Variants in ACYP2 observed in about 807,000 individuals in gnomAD.
ACYP2 encodes the protein acylphosphatase 2, also known as acylphosphatase-2.
Under a neutral mutation model 11.2 loss-of-function variants are expected in ACYP2, and 12 were observed. The observed-to-expected ratio is 1.08, with a 90% CI of 0.69 to 1.74. The LOEUF is 1.74. Among genes scored for constraint, ACYP2 ranks in the 40% most tolerant of loss-of-function variants. The pLI, the probability that ACYP2 is intolerant of heterozygous loss-of-function variation, is 0.00. For synonymous variants in ACYP2, 43 were observed against 32.2 expected, an observed-to-expected ratio of 1.33 and a Z score of -1.13; for missense variants, 134 against 101.9, an observed-to-expected ratio of 1.31 and a Z score of -1.35.
chr2:54,042,660 A>T (rs1342429352), intron 2 of ACYP2, among the ~76,000 whole-genome samples: 5 of 152,118 alleles, frequency 3.3e-5, no homozygotes, highest in Admixed American at 1.3e-4. Context: ...GTAGATCCTA[A>T]TTAGGGGTGT....
chr2:54,197,942 A>ACTGTATTGTATTGTATTG (rs1684571201), intron 6 of ACYP2, among the ~76,000 whole-genome samples: 1 of 69,514 alleles, frequency 1.4e-5, no homozygotes, highest in Non-Finnish European at 3.3e-5. Flanking sequence ...TGTATGTATT[A>ACTGTATTGTATTGTATTG]TATTGTATTG....
chr2:54,234,642 G>A (rs868555206), intron 6 of ACYP2, among the ~76,000 whole-genome samples: 17 of 152,166 alleles, frequency 1.1e-4, no homozygotes, highest in Middle Eastern at 3.4e-3. Context: ...TTATTTTTTC[G>A]GTTAATCATT....
At chr2:54,021,270 G>A (rs1388787375) in intron 2 of ACYP2, among the ~76,000 whole-genome samples, 1 of 152,208 alleles carries the variant, frequency 6.6e-6, no homozygotes, top group Non-Finnish European at 1.5e-5. Flanking sequence ...GATGGAGCAG[G>A]TGACCAGGGG....
At chr2:54,217,578 G>A (rs1685611699) in intron 6 of ACYP2, among the ~76,000 whole-genome samples, 2 of 151,812 alleles carry the variant, frequency 1.3e-5, no homozygotes, top group African/African-American at 4.8e-5. Context: ...TCACCGTGTT[G>A]CCCAGGTTGG....
intron 6 of ACYP2, among the ~76,000 whole-genome samples, chr2:54,157,587 A>G (rs2103821701): frequency 6.6e-6 from 1 of 152,346 alleles, no homozygotes; most frequent in South Asian, 2.1e-4. Context: ...CCTTTTATAT[A>G]TGCCAGGCAC....
chr2:53,989,797 T>C (rs780257884), intron 2 of ACYP2, among the ~76,000 whole-genome samples: 1 of 152,082 alleles, frequency 6.6e-6, no homozygotes, highest in Non-Finnish European at 1.5e-5. Context: ...TTATTGTGAG[T>C]AGTGGCTGCC....
chr2:54,124,351 C>T (rs1256748939), intron 4 of ACYP2, among the ~76,000 whole-genome samples: 1 of 152,130 alleles, frequency 6.6e-6, no homozygotes, highest in Non-Finnish European at 1.5e-5. Flanking sequence ...TGTGCCACCA[C>T]GCCTGGCTAA....
chr2:54,033,383 T>C lies in ACYP2; in HGVS notation c.63-17575T>C, dbSNP rs565971111. On this transcript the variant is annotated intron_variant, in intron 2 of 6. Transcript: ENST00000607452. ...TAGCTAATTTTTGTGTGTGTTTTGT[T>C]TTTTTTTTTGGTAGAGACAGGGTCC... Among the ~76,000 whole-genome samples the C allele has an allele frequency of 4.0e-5, 6 of 149,878 alleles. No individual in the cohort carries two copies. In the South Asian group the frequency reaches 1.3e-3, roughly 32 times the overall value.
intron 2 of ACYP2, among the ~76,000 whole-genome samples, chr2:53,994,262 G>A (rs1262059115): frequency 1.3e-5 from 2 of 149,602 alleles, no homozygotes; most frequent in Non-Finnish European, 3.0e-5. Context: ...CCCAGGAGGC[G>A]GAGCTTGCAG....
intron 4 of ACYP2, among the ~76,000 whole-genome samples, chr2:54,063,696 G>C (rs1572675653): frequency 6.6e-6 from 1 of 152,230 alleles, no homozygotes; most frequent in South Asian, 2.1e-4. Flanking sequence ...TCCTGCTGTT[G>C]CTAGTTCAGA....
intron 6 of ACYP2, among the ~76,000 whole-genome samples, chr2:54,206,283 T>A (rs527313723): frequency 1.9e-3 from 287 of 152,362 alleles, no homozygotes; most frequent in African/African-American, 6.7e-3. Flanking sequence ...TAAATATTCA[T>A]AATGAATGAC....
chr2:54,016,770 G>C (rs1158894331), intron 2 of ACYP2, among the ~76,000 whole-genome samples: 2 of 148,890 alleles, frequency 1.3e-5, no homozygotes, highest in Non-Finnish European at 3.0e-5. Flanking sequence ...GTGTCGCTCA[G>C]GCTGGAGTGC....
chr2:54,215,561 TATGATACC>T (rs1685524204), intron 6 of ACYP2, among the ~76,000 whole-genome samples: 1 of 152,120 alleles, frequency 6.6e-6, no homozygotes, highest in Non-Finnish European at 1.5e-5. Context: ...AAATACTTAC[TATGATACC>T]ATGATACCAT....
chr2:54,070,549 TC>T (rs1215786164), intron 4 of ACYP2, among the ~76,000 whole-genome samples: 5 of 152,132 alleles, frequency 3.3e-5, no homozygotes, highest in African/African-American at 1.2e-4. Context: ...CTTTTATGAA[TC>T]CTCAACCCCA....
chr2:54,234,754 C>A (rs1411562258), intron 6 of ACYP2, among the ~76,000 whole-genome samples: 1 of 152,194 alleles, frequency 6.6e-6, no homozygotes, highest in African/African-American at 2.4e-5. Context: ...TGTCTCATCC[C>A]TTCTTAAAAT....
intron 6 of ACYP2, among the ~76,000 whole-genome samples, chr2:54,243,716 C>T (rs1246635695): frequency 6.6e-6 from 1 of 152,086 alleles, no homozygotes; most frequent in Admixed American, 6.5e-5. Flanking sequence ...ATTACAGATG[C>T]ATGCCACCAC....
At chr2:54,266,569 T>TAGATATAG (rs1688028579) in intron 6 of ACYP2, among the ~76,000 whole-genome samples, 1 of 131,858 alleles carries the variant, frequency 7.6e-6, no homozygotes, top group Non-Finnish European at 1.6e-5. Flanking sequence ...GATAGATAGA[T>TAGATATAG]AGATATAGAT....
intron 4 of ACYP2, among the ~76,000 whole-genome samples, chr2:54,093,481 A>G (rs1678342032): frequency 6.6e-6 from 1 of 152,240 alleles, no homozygotes; most frequent in African/African-American, 2.4e-5. Context: ...TTTGGAAACA[A>G]CTAATGATAA....
At chr2:54,065,037 T>A (rs1229181742) in intron 4 of ACYP2, among the ~76,000 whole-genome samples, 1 of 150,210 alleles carries the variant, frequency 6.7e-6, no homozygotes, top group Non-Finnish European at 1.5e-5. Flanking sequence ...TGAGCCGAGA[T>A]CATGCCACTG....
Sources: gnomAD v4.1 joint callset for allele counts (sites outside exome capture counted in the v4.1 genomes callset) on GRCh38, gnomAD v4.1.1 for gene constraint, MANE v1.5 for transcripts, NCBI Gene and HGNC (gene_info 2026-07-23, HGNC 2026-07-21) for gene names.